The following LNPEP variants were observed in gnomAD, a reference collection of about 807,000 sequenced individuals.
LNPEP encodes leucyl-cystinyl aminopeptidase.
A neutral mutation model predicts 120.6 loss-of-function variants in LNPEP; 64 were observed. The observed-to-expected ratio is 0.53, with a 90% CI of 0.43 to 0.65. The LOEUF (loss-of-function observed/expected upper bound fraction) is 0.65, where lower values mean the gene tolerates loss of function less well. LNPEP is among the 30% of genes least tolerant of loss of function. The pLI is 0.00. For synonymous variants in LNPEP, 435 were observed against 425.4 expected (o/e 1.02, Z -0.28); for missense variants, 1,057 against 1,200.0 (o/e 0.88, Z 1.76).
chr5:96,990,215 T>C (rs1028457979), intron 4 of LNPEP, among the ~76,000 whole-genome samples: 1 of 152,128 alleles, frequency 6.6e-6, no homozygotes, highest in African/African-American at 2.4e-5. Context: ...CGTGCGTGTG[T>C]GTGTGTATAT....
At chr5:96,988,862 C>G (rs575131413) in intron 4 of LNPEP, among the ~76,000 whole-genome samples, 1 of 152,210 alleles carries the variant, frequency 6.6e-6, no homozygotes, top group South Asian at 2.1e-4. Flanking sequence ...ATCCTCCTGC[C>G]TCAACCTCCC....
intron 1 of LNPEP, among the ~76,000 whole-genome samples, chr5:96,969,477 A>G (rs1394247443): frequency 6.6e-6 from 1 of 152,078 alleles, no homozygotes; most frequent in Non-Finnish European, 1.5e-5. Flanking sequence ...GGACAGATGT[A>G]AGACGGCTGG....
At chr5:96,951,749 G>C (rs1038379931) in intron 1 of LNPEP, among the ~76,000 whole-genome samples, 7 of 151,960 alleles carry the variant, frequency 4.6e-5, no homozygotes, top group Non-Finnish European at 8.8e-5. Flanking sequence ...AGCATCTATA[G>C]TTAAGTTCAA....
intron 2 of LNPEP, among the ~76,000 whole-genome samples, chr5:96,984,349 A>G (rs1211240173): frequency 6.6e-6 from 1 of 152,218 alleles, no homozygotes; most frequent in Non-Finnish European, 1.5e-5. Flanking sequence ...CTAAGGTCCG[A>G]GTCTTGAAGA....
intron 1 of LNPEP, among the ~76,000 whole-genome samples, chr5:96,976,185 AC>A (rs1210340469): frequency 6.6e-6 from 1 of 152,098 alleles, no homozygotes; most frequent in Non-Finnish European, 1.5e-5. Flanking sequence ...TTCATGGGAT[AC>A]CTGTAATAAA....
intron 1 of LNPEP, among the ~76,000 whole-genome samples, chr5:96,944,560 C>CTTTTTTTTTTTTTTTTTTTTTTTTT (rs60017687): frequency 8.9e-5 from 5 of 56,374 alleles, no homozygotes; most frequent in Admixed American, 2.0e-4. Context: ...CTTATTTTTG[C>CTTTTTTTTTTTTTTTTTTTTTTTTT]TTTTTTTTTT....
intron 11 of LNPEP, 47 bp downstream of exon 11, chr5:97,006,562 AATCTG>A: frequency 9.7e-7 from 1 of 1,035,332 alleles, no homozygotes; most frequent in Non-Finnish European, 1.5e-6. Context: ...TAATTTTAAA[AATCTG>A]ATCAGAGTGC....
intron 13 of LNPEP, among the ~76,000 whole-genome samples, chr5:97,019,795 G>T (rs145793206): frequency 1.6e-4 from 25 of 151,724 alleles, no homozygotes; most frequent in African/African-American, 5.6e-4. Context: ...GTTCCTATTT[G>T]ACAGTTATGA....
At chr5:97,009,992 ATTCAAGG>A (rs1790886821) in intron 11 of LNPEP, among the ~76,000 whole-genome samples, 1 of 151,970 alleles carries the variant, frequency 6.6e-6, no homozygotes, top group South Asian at 2.1e-4. Context: ...ATGTGTTCTA[ATTCAAGG>A]GTTGTTGGGT....
At chr5:97,013,222 A>C (rs1790982678) in intron 11 of LNPEP, among the ~76,000 whole-genome samples, 1 of 152,184 alleles carries the variant, frequency 6.6e-6, no homozygotes, top group Non-Finnish European at 1.5e-5. Flanking sequence ...TCTTAGAAGA[A>C]TGACAACTTA....
chr5:97,016,026 C>T (rs557634182), intron 13 of LNPEP, among the ~76,000 whole-genome samples: 1 of 152,094 alleles, frequency 6.6e-6, no homozygotes, highest in Admixed American at 6.6e-5. Context: ...ACAGTTCTCT[C>T]ATCACCTGCA....
At chr5:96,988,806 A>G (rs1790305592) in intron 4 of LNPEP, among the ~76,000 whole-genome samples, 1 of 151,656 alleles carries the variant, frequency 6.6e-6, no homozygotes, top group South Asian at 2.1e-4. Flanking sequence ...TTGTAGAGGC[A>G]TCTTGCTATG....
In LNPEP at chr5:96,998,195, A is replaced by G. The variant is rs200666088; in HGVS notation, c.1653+50A>G. ...CTGGAGTGGGTTTAAAATTTCGTAT[A>G]ATTTCGTATGTGAGCAAGCTGTGTG... On this transcript the variant is annotated intron_variant, in intron 8 of 17. Coordinates refer to ENST00000231368, the MANE Select transcript of LNPEP (RefSeq NM_005575.3). 7 of 1,388,090 alleles carry G rather than the reference A, an allele frequency of 5.0e-6. No individual in the cohort carries two copies. The East Asian group carries it at 1.7e-4, about 34-fold the overall frequency. The allele number at this position is 1,388,090 out of a possible 1,614,324, so 86.0% of individuals were successfully genotyped here.
chr5:96,961,307 C>T (rs1346120753), intron 1 of LNPEP, among the ~76,000 whole-genome samples: 1 of 152,090 alleles, frequency 6.6e-6, no homozygotes, highest in Non-Finnish European at 1.5e-5. Context: ...TAGAACTAAA[C>T]TTAGCTGAGC....
chr5:97,008,894 C>T (rs1363265666), intron 11 of LNPEP, among the ~76,000 whole-genome samples: 7 of 151,880 alleles, frequency 4.6e-5, no homozygotes, highest in Admixed American at 3.9e-4. Flanking sequence ...CCTCGTGATC[C>T]GCCCACCTCG....
At chr5:96,967,423 G>A (rs1480385040) in intron 1 of LNPEP, among the ~76,000 whole-genome samples, 1 of 151,946 alleles carries the variant, frequency 6.6e-6, no homozygotes, top group East Asian at 1.9e-4. Flanking sequence ...GAGATTACAG[G>A]TATGAACCAC....
chr5:97,030,706 A>T lies in LNPEP; in HGVS notation c.*2173A>T, dbSNP rs1791453716. The T allele has an allele frequency of 6.6e-6, 1 of 151,010 alleles. No homozygotes were observed. Among genetic ancestry groups the T allele is most frequent in the African/African-American group, 2.4e-5 (1 of 41,052 alleles). The allele number at this position is 151,010 out of a possible 1,614,324, so 9.4% of individuals were successfully genotyped here. A position where few individuals can be genotyped will look rare whatever the true frequency, so the allele number is the denominator to read the frequency against. On this transcript the variant is annotated 3_prime_UTR_variant, in exon 18 of 18. Transcript: ENST00000231368. ...TATTGTTATGAGTAAAACTTTATCA[A>T]AACTTGGCCTGAAAAAGAGATAACT...
chr5:97,002,276 AC>A (rs1240259848), intron 8 of LNPEP, among the ~76,000 whole-genome samples: 2 of 152,238 alleles, frequency 1.3e-5, no homozygotes. Context: ...CAATGGGGGA[AC>A]AAAAAAACAG....
rs1047980220 is a variant in LNPEP at position 97,033,303 on chromosome 5, G to A, written c.*4770G>A. 9 of 152,102 alleles carry A rather than the reference G, an allele frequency of 5.9e-5. No individual in the cohort carries two copies. Among genetic ancestry groups the A allele is most frequent in the African/African-American group, 1.4e-4 (6 of 41,408 alleles). 9.4% of individuals were successfully genotyped at this position (152,102 alleles called of 1,614,324 possible). ...CGTATTTGAGGTGAGGGGGAGGGAC[G>A]GGGAAGGTAGGAAAATGCACTTAAT... On this transcript the variant is annotated 3_prime_UTR_variant, in exon 18 of 18. Transcript: ENST00000231368.
Sources: gnomAD v4.1 joint callset for allele counts (sites outside exome capture counted in the v4.1 genomes callset) on GRCh38, gnomAD v4.1.1 for gene constraint, MANE v1.5 for transcripts, NCBI Gene and HGNC (gene_info 2026-07-23, HGNC 2026-07-21) for gene names.